JAKMIP3: variants seen among roughly 807,000 people sequenced by gnomAD.
The protein encoded by JAKMIP3 is janus kinase and microtubule-interacting protein 3.
Under a neutral mutation model 118.5 loss-of-function variants are expected in JAKMIP3, and 58 were observed. The ratio of observed to expected loss-of-function variants is 0.49; its 90% CI spans 0.40 to 0.61. The LOEUF (loss-of-function observed/expected upper bound fraction) is 0.61, where lower values mean the gene tolerates loss of function less well. Among genes scored for constraint, JAKMIP3 ranks in the 20% least tolerant of loss-of-function variants. The probability of loss-of-function intolerance (pLI) is 0.00; values close to 1 mark genes in which losing one functional copy is unlikely to be tolerated. For missense variants in JAKMIP3, 950 were observed against 1,109.0 expected (o/e 0.86, Z 2.04); for synonymous variants, 486 against 451.2 (o/e 1.08, Z -0.98).
intron 1 of JAKMIP3, among the ~76,000 whole-genome samples, chr10:132,070,401 G>A (rs989631465): frequency 6.6e-6 from 1 of 152,286 alleles, no homozygotes; most frequent in African/African-American, 2.4e-5. Context: ...GCCTGCCTCA[G>A]CCTCCCAAAG....
chr10:132,161,178 T>A (rs1589996358), intron 19 of JAKMIP3, among the ~76,000 whole-genome samples: 3 of 5,166 alleles, frequency 5.8e-4, no homozygotes, highest in African/African-American at 5.5e-4. Context: ...TGTGTGATGC[T>A]GGGGGGTCTC....
At chr10:132,159,682 A>G (rs113635766) in intron 19 of JAKMIP3, among the ~76,000 whole-genome samples, 5,810 of 39,898 alleles carry the variant, frequency 0.15, 585 homozygotes, top group African/African-American at 0.36. Flanking sequence ...TCCTCTCCCT[A>G]TGTGATGCTC....
At position 132,151,533 on chromosome 10, in the gene JAKMIP3, G is replaced by A. The variant is rs145946962; in HGVS notation, c.2008-1425G>A. Among the ~76,000 whole-genome samples, 47 of 152,346 alleles carry A rather than the reference G, an allele frequency of 3.1e-4. No individual in the cohort carries two copies. In the East Asian group the frequency reaches 7.7e-3, roughly 25 times the overall value. ...GCCGAAGAGCCACAGCAGGGTGGCC[G>A]TGGACCTGACATCTCTGGGGTCCAG... is the stretch of plus-strand genomic sequence containing the variant. On this transcript the variant is annotated intron_variant, in intron 16 of 23. Transcript: ENST00000684848.
intron 3 of JAKMIP3, among the ~76,000 whole-genome samples, chr10:132,120,924 T>C (rs1564923122): frequency 6.6e-6 from 1 of 152,206 alleles, no homozygotes; most frequent in African/African-American, 2.4e-5. Context: ...CAGGCAGGTG[T>C]GTGGCCGCTC....
At chr10:132,106,368 A>AC (rs2045911175) in intron 2 of JAKMIP3, among the ~76,000 whole-genome samples, 1 of 150,318 alleles carries the variant, frequency 6.7e-6, no homozygotes, top group South Asian at 2.1e-4. Flanking sequence ...AAAAAAAAAA[A>AC]CCCACAGCTG....
chr10:132,137,357 T>G, intron 8 of JAKMIP3, 68 bp downstream of exon 8: 1 of 1,587,442 alleles, frequency 6.3e-7, no homozygotes, highest in South Asian at 1.1e-5. Context: ...GGACCCATTC[T>G]GTGCCCAGGG....
chr10:132,107,556 C>T (rs569620838), intron 2 of JAKMIP3, among the ~76,000 whole-genome samples: 86 of 152,342 alleles, frequency 5.6e-4, no homozygotes, highest in Non-Finnish European at 1.1e-3. Flanking sequence ...CAGAGCTCCT[C>T]ATCCTGGACG....
At chr10:132,141,308 G>T (rs2053463560) in intron 10 of JAKMIP3, among the ~76,000 whole-genome samples, 1 of 152,164 alleles carries the variant, frequency 6.6e-6, no homozygotes, top group Non-Finnish European at 1.5e-5. Flanking sequence ...AAGGCTTCTG[G>T]GCTCAGTCAC....
chr10:132,093,575 A>C (rs2043396410), intron 1 of JAKMIP3, among the ~76,000 whole-genome samples: 1 of 152,234 alleles, frequency 6.6e-6, no homozygotes, highest in East Asian at 1.9e-4. Context: ...CCATTTGCTA[A>C]GACCGTTGGA....
chr10:132,140,331 T>G (rs1187451147), intron 9 of JAKMIP3, 120 bp from the exon 10 acceptor site: 1 of 1,397,752 alleles, frequency 7.2e-7, no homozygotes, highest in African/African-American at 1.4e-5. Context: ...GGGACAGAGA[T>G]GGGAGTGTGT....
intron 21 of JAKMIP3, among the ~76,000 whole-genome samples, chr10:132,165,841 CT>C (rs1271950045): frequency 2.6e-5 from 4 of 152,220 alleles, no homozygotes; most frequent in African/African-American, 9.6e-5. Context: ...AAGGCACAGC[CT>C]TTGAGGCCCC....
intron 1 of JAKMIP3, among the ~76,000 whole-genome samples, chr10:132,038,990 G>A (rs975636337): frequency 2.6e-5 from 4 of 152,102 alleles, no homozygotes; most frequent in Admixed American, 2.0e-4. Context: ...TTCACCCAGC[G>A]GAGCCGCTCG....
In JAKMIP3 at chr10:132,104,863, G is replaced by C; in HGVS notation, c.55G>C (p.Ala19Pro). 1 of 1,560,916 alleles carries C rather than the reference G, an allele frequency of 6.4e-7. No homozygotes were observed. The highest frequency in any genetic ancestry group is 1.9e-5 in the Admixed American group (1 of 52,106). The change falls in exon 2 of 24, where the codon GCG becomes CCG. Residue 19 changes from alanine (A) to proline (P), a missense_variant. Physicochemically the swap from Ala to Pro is conservative, Grantham distance 27. Coordinates refer to ENST00000684848, the MANE Select transcript of JAKMIP3 (RefSeq NM_001323087.2). ...RAKGDKAEAL[A>P]ALQAANEDLR... ...CAAGGGGGACAAGGCAGAGGCCCTC[G>C]CGGCGCTGCAGGCGGCCAACGAGGA...
At chr10:132,074,728 G>C (rs186917605) in intron 1 of JAKMIP3, among the ~76,000 whole-genome samples, 1 of 152,070 alleles carries the variant, frequency 6.6e-6, no homozygotes, top group Non-Finnish European at 1.5e-5. Context: ...TTGTTTTTGC[G>C]GACTCAGTCA....
At chr10:132,060,249 AAAT>A (rs1399605042), upstream of JAKMIP3, among the ~76,000 whole-genome samples, 3 of 152,096 alleles carry the variant, frequency 2.0e-5, no homozygotes, top group African/African-American at 7.2e-5. Flanking sequence ...TTGAGGCTGT[AAAT>A]AATGCAATCC....
intron 1 of JAKMIP3, among the ~76,000 whole-genome samples, chr10:132,097,892 TCCCCTTCCCCTTCCCCTTC>T: frequency 1.9e-5 from 1 of 53,470 alleles, no homozygotes; most frequent in African/African-American, 6.1e-5. Flanking sequence ...TTTCTTCCCT[TCCCCTTCCCCTTCCCCTTC>T]CCCTTCCCCT....
At chr10:132,153,699 C>T in intron 17 of JAKMIP3, 60 bp from the exon 18 acceptor site, 1 of 1,540,824 alleles carries the variant, frequency 6.5e-7, no homozygotes. Flanking sequence ...CCAGCTGTCT[C>T]CACGAGCCGG....
intron 1 of JAKMIP3, among the ~76,000 whole-genome samples, chr10:132,092,458 G>A (rs1221080816): frequency 3.4e-4 from 51 of 152,128 alleles, no homozygotes; most frequent in Admixed American, 2.9e-3. Context: ...TGGAGGCTTC[G>A]TTCATTTCTT....
rs2061191178 is a variant in JAKMIP3, at chr10:132,180,738, CGTGCGTGCGCGCGCGTGTGT to C, written c.*1104-1617_*1104-1598del. On this transcript the variant is annotated intron_variant, in intron 23 of 23. Transcript: ENST00000684848. The stretch of plus-strand genomic sequence containing the variant: ...GTGTGTGCGTGTGTGTGCGTGTGTG[CGTGCGTGCGCGCGCGTGTGT>C]GCGTGTGTGTGCGTGTGTGTGTGTG... Among the ~76,000 whole-genome samples the C allele has an allele frequency of 5.4e-4, 4 of 7,466 alleles. 1 individual carries two copies. Among genetic ancestry groups the C allele is most frequent in the African/African-American group, 2.6e-3 (4 of 1,544 alleles). The allele number at this position is 7,466 out of a possible 152,430, so 4.9% of individuals were successfully genotyped here.
Sources: allele counts gnomAD v4.1 joint callset (sites outside exome capture counted in the v4.1 genomes callset), GRCh38; gene constraint gnomAD v4.1.1; transcripts MANE v1.5; gene names NCBI Gene and HGNC (gene_info 2026-07-23, HGNC 2026-07-21).